PFDN1: variants seen among roughly 807,000 people sequenced by gnomAD.
The protein encoded by PFDN1 is prefoldin 1.
A neutral mutation model predicts 17.3 loss-of-function variants in PFDN1; 6 were observed. The observed-to-expected ratio is 0.35, with a 90% CI of 0.19 to 0.69. PFDN1 has a LOEUF of 0.69. Ranked by LOEUF, PFDN1 falls within the 30% of genes least tolerant of loss-of-function variation. The pLI is 0.65. For missense variants in PFDN1, 113 were observed against 146.2 expected, an observed-to-expected ratio of 0.77 and a Z score of 1.17; for synonymous variants, 58 against 50.1, an observed-to-expected ratio of 1.16 and a Z score of -0.67.
At chr5:140,286,046 TA>T (rs1765483006) in intron 2 of PFDN1, among the ~76,000 whole-genome samples, 1 of 151,978 alleles carries the variant, frequency 6.6e-6, no homozygotes, top group Admixed American at 6.6e-5. Context: ...TAAAAAAAAA[TA>T]TTTTTTTTAT....
chr5:140,253,414 T>C (rs1764943371), intron 3 of PFDN1, among the ~76,000 whole-genome samples: 1 of 152,144 alleles, frequency 6.6e-6, no homozygotes, highest in Non-Finnish European at 1.5e-5. Context: ...ACAGCAGATA[T>C]ACACGAGGGG....
At chr5:140,255,565 G>C (rs895067807) in intron 3 of PFDN1, among the ~76,000 whole-genome samples, 11 of 152,172 alleles carry the variant, frequency 7.2e-5, no homozygotes, top group Non-Finnish European at 1.6e-4. Context: ...CTTGAGTCCA[G>C]GAGGTTGAGA....
intron 2 of PFDN1, among the ~76,000 whole-genome samples, chr5:140,295,970 A>G (rs563425777): frequency 5.3e-4 from 81 of 152,238 alleles, no homozygotes; most frequent in African/African-American, 1.9e-3. Flanking sequence ...TACTACCCTC[A>G]AGCATAATCT....
At chr5:140,256,671 A>C (rs568651852) in intron 3 of PFDN1, among the ~76,000 whole-genome samples, 68 of 140,202 alleles carry the variant, frequency 4.9e-4, no homozygotes, top group African/African-American at 2.1e-3. Context: ...AAAAAAAAAA[A>C]AAAAAAAAAA....
chr5:140,268,924 G>A (rs951465337), intron 3 of PFDN1, among the ~76,000 whole-genome samples: 7 of 152,154 alleles, frequency 4.6e-5, no homozygotes, highest in African/African-American at 1.7e-4. Flanking sequence ...GATATCAAAG[G>A]AGATGCCATC....
In PFDN1 at chr5:140,254,174, T is replaced by C. The variant is rs1033559695; in HGVS notation, c.286-8117A>G. ...AACAAATGGGTGTGGTGCAGATGAA[T>C]GGGCACGGCTATGTTTCGAAAGCAC... On this transcript the variant is annotated intron_variant, in intron 3 of 3. Coordinates refer to ENST00000261813, the MANE Select transcript of PFDN1 (RefSeq NM_002622.5). The surrounding 1 kb of genome is among the most constrained non-coding windows in gnomAD (Gnocchi z 4.4). 6.6e-6 allele frequency among the ~76,000 whole-genome samples: 1 copy of C among 152,162 alleles called. No individual in the cohort carries two copies. The highest frequency in any genetic ancestry group is 2.4e-5 in the African/African-American group (1 of 41,442).
chr5:140,286,885 A>G (rs973356594), intron 2 of PFDN1, among the ~76,000 whole-genome samples: 3 of 152,140 alleles, frequency 2.0e-5, no homozygotes, highest in African/African-American at 7.2e-5. Flanking sequence ...GATTATATAT[A>G]GGAGTGAGCC....
intron 3 of PFDN1, among the ~76,000 whole-genome samples, chr5:140,261,266 C>T (rs922680313): frequency 2.0e-5 from 3 of 151,546 alleles, no homozygotes; most frequent in Non-Finnish European, 4.4e-5. Context: ...ACCAGCAAAT[C>T]AGTCTGTACT....
At chr5:140,280,917 G>A (rs1328097472) in intron 3 of PFDN1, 1 of 151,870 alleles carries the variant, frequency 6.6e-6, no homozygotes, top group Non-Finnish European at 1.5e-5. Context: ...TTTTTCCCTA[G>A]CTAAAAAGAA....
At chr5:140,291,542 A>G (rs1239402144) in intron 2 of PFDN1, among the ~76,000 whole-genome samples, 4 of 152,162 alleles carry the variant, frequency 2.6e-5, no homozygotes, top group Admixed American at 2.6e-4. Flanking sequence ...AGGCAGCTGA[A>G]TATACAAGTC....
chr5:140,248,297 G>C (rs943706724), intron 3 of PFDN1, among the ~76,000 whole-genome samples: 3 of 152,086 alleles, frequency 2.0e-5, no homozygotes, highest in African/African-American at 7.2e-5. Context: ...TCAAACTCCT[G>C]ACCTCGTGAT....
intron 1 of PFDN1, among the ~76,000 whole-genome samples, chr5:140,302,429 T>C (rs1032943039): frequency 2.9e-4 from 44 of 152,338 alleles, no homozygotes; most frequent in African/African-American, 1.0e-3. Context: ...TGGAAAACTT[T>C]ACTGGTTTTG....
At chr5:140,253,783 G>C (rs1764949455) in intron 3 of PFDN1, among the ~76,000 whole-genome samples, 1 of 152,204 alleles carries the variant, frequency 6.6e-6, no homozygotes, top group African/African-American at 2.4e-5. Flanking sequence ...AAGATTAAGG[G>C]AAGAAGGAAT....
chr5:140,255,027 A>C (rs574965876), intron 3 of PFDN1, among the ~76,000 whole-genome samples: 1 of 152,332 alleles, frequency 6.6e-6, no homozygotes, highest in East Asian at 1.9e-4. Flanking sequence ...ACTGTGCTGA[A>C]TGGTCTCACT....
At chr5:140,289,522 C>T (rs1457523354) in intron 2 of PFDN1, among the ~76,000 whole-genome samples, 1 of 152,120 alleles carries the variant, frequency 6.6e-6, no homozygotes, top group African/African-American at 2.4e-5. Flanking sequence ...TCCCTCCTTC[C>T]TCTTTCTTCT....
intron 3 of PFDN1, among the ~76,000 whole-genome samples, chr5:140,274,840 C>T (rs938341474): frequency 6.6e-6 from 1 of 151,882 alleles, no homozygotes; most frequent in Non-Finnish European, 1.5e-5. Context: ...ACAGTCTCTA[C>T]TAAAAATACA....
At chr5:140,267,375 T>A (rs1343977520) in intron 3 of PFDN1, among the ~76,000 whole-genome samples, 1 of 152,220 alleles carries the variant, frequency 6.6e-6, no homozygotes, top group Non-Finnish European at 1.5e-5. Context: ...CATTTAAAGA[T>A]CAGCAGAAGA....
At chr5:140,289,566 C>A (rs1765548711) in intron 2 of PFDN1, among the ~76,000 whole-genome samples, 1 of 152,180 alleles carries the variant, frequency 6.6e-6, no homozygotes. Flanking sequence ...ATGCAAGGCT[C>A]TCTGCTAAAC....
chr5:140,296,458 T>G (rs1037593902), intron 2 of PFDN1, among the ~76,000 whole-genome samples: 1 of 152,146 alleles, frequency 6.6e-6, no homozygotes, highest in African/African-American at 2.4e-5. Flanking sequence ...TTACTAGCTG[T>G]AGGAACAAAA....
Sources: gnomAD v4.1 joint callset for allele counts (sites outside exome capture counted in the v4.1 genomes callset) on GRCh38, gnomAD v4.1.1 for gene constraint, Gnocchi (gnomAD v3.1) non-coding constraint, MANE v1.5 for transcripts, NCBI Gene and HGNC (gene_info 2026-07-23, HGNC 2026-07-21) for gene names.